SDC2: variants seen among roughly 807,000 people sequenced by gnomAD.
SDC2 encodes syndecan-2.
Under a neutral mutation model 22.2 loss-of-function variants are expected in SDC2, and 13 were observed. The observed-to-expected ratio is 0.59, with a 90% CI of 0.38 to 0.93. The LOEUF (loss-of-function observed/expected upper bound fraction) is 0.93. Among genes scored for constraint, SDC2 ranks in the 40% least tolerant of loss-of-function variants. The pLI, the probability that SDC2 is intolerant of heterozygous loss-of-function variation, is 0.00. For missense variants in SDC2, 235 were observed against 246.8 expected (o/e 0.95, Z 0.32); for synonymous variants, 94 against 92.8 (o/e 1.01, Z -0.07).
At chr8:96,564,689 TTC>T (rs1364472935) in intron 1 of SDC2, among the ~76,000 whole-genome samples, 9 of 152,188 alleles carry the variant, frequency 5.9e-5, no homozygotes, top group African/African-American at 2.2e-4. Context: ...ACCTGTAGAC[TTC>T]TGATATCTGA....
chr8:96,494,306 TG>T lies in SDC2; in HGVS notation c.37del (p.Val13TrpfsTer12). On this transcript the variant is annotated frameshift_variant, in exon 1 of 5. Transcript: ENST00000302190. LOFTEE classifies it high-confidence loss of function. ...GCGTGGATCCTGCTCACCTTGGGCT[TG>T]GTGGCCTGCGTGTCGGCGGAGTCGG... ...RRAWILLTLG[L>X]VACVSAESRA... 1 of 1,546,518 alleles carries T rather than the reference TG, an allele frequency of 6.5e-7. No individual in the cohort carries two copies. Among genetic ancestry groups the T allele is most frequent in the Non-Finnish European group, 8.7e-7 (1 of 1,149,744 alleles).
At position 96,503,941 on chromosome 8, in the gene SDC2, A is replaced by G. The variant is rs186364278; in HGVS notation, c.60+9610A>G. 1.8e-3 allele frequency among the ~76,000 whole-genome samples: 272 copies of G among 152,362 alleles called. 1 individual carries two copies. The highest frequency in any genetic ancestry group is 6.3e-3 in the African/African-American group (263 of 41,586). ...CCAATGTCATCTATATTAGATGTCA[A>G]AATTTTAAATAGAGTATTATTAAAT... On this transcript the variant is annotated intron_variant, in intron 1 of 4. Coordinates refer to ENST00000302190, the MANE Select transcript of SDC2 (RefSeq NM_002998.4).
At chr8:96,566,879 A>C (rs1814307585) in intron 1 of SDC2, among the ~76,000 whole-genome samples, 1 of 152,124 alleles carries the variant, frequency 6.6e-6, no homozygotes, top group African/African-American at 2.4e-5. Context: ...TTTGAGACAG[A>C]GTCACACTCT....
chr8:96,529,854 A>ACTC (rs1813632936), intron 1 of SDC2, among the ~76,000 whole-genome samples: 1 of 152,006 alleles, frequency 6.6e-6, no homozygotes, highest in South Asian at 2.1e-4. Context: ...GTGCCCACTT[A>ACTC]GCTGAGCCAC....
chr8:96,545,872 C>T (rs1813923160), intron 1 of SDC2, among the ~76,000 whole-genome samples: 1 of 152,148 alleles, frequency 6.6e-6, no homozygotes, highest in African/African-American at 2.4e-5. Context: ...TTTTGGCAGT[C>T]CTTACTGTGT....
At chr8:96,506,839 C>G (rs894975413) in intron 1 of SDC2, among the ~76,000 whole-genome samples, 3 of 151,852 alleles carry the variant, frequency 2.0e-5, no homozygotes, top group Non-Finnish European at 2.9e-5. Flanking sequence ...ATGAAACTGT[C>G]TCTACTAAAA....
chr8:96,528,605 C>A (rs1352127197), intron 1 of SDC2, among the ~76,000 whole-genome samples: 1 of 152,084 alleles, frequency 6.6e-6, no homozygotes, highest in Non-Finnish European at 1.5e-5. Context: ...TTAATTATTT[C>A]AAAATAAAAA....
At chr8:96,575,429 CTT>C (rs998119148) in intron 1 of SDC2, among the ~76,000 whole-genome samples, 3 of 151,978 alleles carry the variant, frequency 2.0e-5, no homozygotes, top group Non-Finnish European at 2.9e-5. Flanking sequence ...AGGTTACTCT[CTT>C]TATGTTTGTT....
Position 96,507,747 on chromosome 8 carries a change from A to G in SDC2, c.60+13416A>G, listed in dbSNP as rs1218378486. On this transcript the variant is annotated intron_variant, in intron 1 of 4. Transcript: ENST00000302190. Reference sequence around the variant, plus strand: ...CGAACATTCCTTGGATTTTTATGCTAAAAATATGTCAGTGCCTTCCAGGAG... The same window carrying G: ...CGAACATTCCTTGGATTTTTATGCTGAAAATATGTCAGTGCCTTCCAGGAG... Among the ~76,000 whole-genome samples the G allele has an allele frequency of 2.0e-5, 3 of 152,232 alleles. No individual in the cohort carries two copies. The East Asian group carries it at 5.8e-4, about 29-fold the overall frequency.
Position 96,583,783 on chromosome 8 carries a change from A to C in SDC2, c.61-9697A>C, listed in dbSNP as rs1199042455. ...AGAAAAAAATTAATGTATGCTTTTT[A>C]AATTTAATATGTCGTTACAAACACT... On this transcript the variant is annotated intron_variant, in intron 1 of 4. Transcript: ENST00000302190. 4.6e-5 allele frequency among the ~76,000 whole-genome samples: 7 copies of C among 151,940 alleles called. No individual in the cohort carries two copies. In the East Asian group the frequency reaches 1.2e-3, roughly 25 times the overall value.
intron 1 of SDC2, among the ~76,000 whole-genome samples, chr8:96,532,738 C>T (rs1813685797): frequency 6.6e-6 from 1 of 152,100 alleles, no homozygotes; most frequent in Non-Finnish European, 1.5e-5. Flanking sequence ...CTAGCCCGCA[C>T]TTAATGGCTG....
intron 1 of SDC2, among the ~76,000 whole-genome samples, chr8:96,556,048 A>G (rs1333641210): frequency 7.2e-6 from 1 of 138,108 alleles, no homozygotes; most frequent in Non-Finnish European, 1.5e-5. Flanking sequence ...ACACACACAC[A>G]CACACACATA....
At chr8:96,584,479 A>G (rs1814647771) in intron 1 of SDC2, among the ~76,000 whole-genome samples, 2 of 152,252 alleles carry the variant, frequency 1.3e-5, no homozygotes, top group Admixed American at 1.3e-4. Context: ...ACTCTGTTCC[A>G]TTATGGTAGT....
chr8:96,510,699 T>G (rs951134597), intron 1 of SDC2, among the ~76,000 whole-genome samples: 10 of 152,184 alleles, frequency 6.6e-5, no homozygotes, highest in African/African-American at 2.4e-4. Flanking sequence ...AGAAGGCTAT[T>G]AAAATGAACC....
intron 1 of SDC2, among the ~76,000 whole-genome samples, chr8:96,500,995 A>G (rs1245195673): frequency 6.6e-6 from 1 of 152,216 alleles, no homozygotes; most frequent in East Asian, 1.9e-4. Context: ...GTGATAGCCA[A>G]TGCATAGTCT....
chr8:96,509,540 C>T (rs962856981), intron 1 of SDC2, among the ~76,000 whole-genome samples: 6 of 141,482 alleles, frequency 4.2e-5, no homozygotes, highest in African/African-American at 1.3e-4. Context: ...TATTCTCCAT[C>T]ACGGGTTTTC....
chr8:96,583,707 G>GTT (rs1250044607), intron 1 of SDC2, among the ~76,000 whole-genome samples: 15 of 131,828 alleles, frequency 1.1e-4, no homozygotes, highest in African/African-American at 4.1e-4. Context: ...GTGTGTGTGT[G>GTT]TGTGTGTGTG....
At chr8:96,509,057 A>G (rs1344463945) in intron 1 of SDC2, among the ~76,000 whole-genome samples, 1 of 142,286 alleles carries the variant, frequency 7.0e-6, no homozygotes, top group African/African-American at 2.5e-5. Context: ...TCTCTCTGCA[A>G]ACTTCAGTCT....
chr8:96,499,099 A>G (rs1813120427), intron 1 of SDC2, among the ~76,000 whole-genome samples: 1 of 151,980 alleles, frequency 6.6e-6, no homozygotes, highest in Admixed American at 6.6e-5. Context: ...ACTTTCCACC[A>G]CATCTCCCAG....
Sources: allele counts gnomAD v4.1 joint callset (sites outside exome capture counted in the v4.1 genomes callset), GRCh38; gene constraint gnomAD v4.1.1; transcripts MANE v1.5; gene names NCBI Gene and HGNC (gene_info 2026-07-23, HGNC 2026-07-21).